The following SELENOF variants were observed in gnomAD, a reference collection of about 807,000 sequenced individuals.
SELENOF encodes selenoprotein F, also known as 15 kDa selenoprotein.
In SELENOF, 16 loss-of-function variants were observed where a neutral mutation model predicts 20.5. The ratio of observed to expected loss-of-function variants is 0.78; its 90% CI spans 0.53 to 1.19. The LOEUF is 1.19. Ranked by LOEUF, SELENOF falls within the 50% of genes most tolerant of loss-of-function variation. The pLI is 0.00. For missense variants in SELENOF, 215 were observed against 194.2 expected, an observed-to-expected ratio of 1.11 and a Z score of -0.64; for synonymous variants, 78 against 74.5, an observed-to-expected ratio of 1.05 and a Z score of -0.24.
At chr1:86,880,570 A>G in intron 3 of SELENOF, 92 bp downstream of exon 3, 1 of 650,312 alleles carries the variant, frequency 1.5e-6, no homozygotes, top group Admixed American at 3.5e-5. Context: ...AATCCTAAAA[A>G]TTCTTATTCC....
chr1:86,906,086 T>C (rs1461909481), intron 1 of SELENOF, among the ~76,000 whole-genome samples: 1 of 152,224 alleles, frequency 6.6e-6, no homozygotes, highest in African/African-American at 2.4e-5. Flanking sequence ...TGACGTGATA[T>C]TTTATACATC....
intron 2 of SELENOF, among the ~76,000 whole-genome samples, chr1:86,891,930 T>C (rs1468504621): frequency 1.5e-5 from 2 of 135,114 alleles, no homozygotes; most frequent in Non-Finnish European, 3.1e-5. Flanking sequence ...TGTTATTATT[T>C]AGTTTTTTTT....
intron 2 of SELENOF, among the ~76,000 whole-genome samples, chr1:86,901,760 A>C (rs913585055): frequency 6.6e-6 from 1 of 152,242 alleles, no homozygotes; most frequent in Non-Finnish European, 1.5e-5. Context: ...TACTAAAATT[A>C]TACCAAAAAA....
intron 2 of SELENOF, among the ~76,000 whole-genome samples, chr1:86,894,460 C>T (rs972457597): frequency 2.5e-4 from 38 of 151,784 alleles, no homozygotes; most frequent in Non-Finnish European, 4.9e-4. Flanking sequence ...TAGTAAAAAC[C>T]AATAAATAAT....
At chr1:86,896,380 T>C (rs1570398229) in intron 2 of SELENOF, among the ~76,000 whole-genome samples, 1 of 152,082 alleles carries the variant, frequency 6.6e-6, no homozygotes, top group South Asian at 2.1e-4. Flanking sequence ...CCAGCAGCCA[T>C]AAGCAAGTTC....
chr1:86,907,971 T>A (rs1659874172), intron 1 of SELENOF, among the ~76,000 whole-genome samples: 1 of 148,824 alleles, frequency 6.7e-6, no homozygotes, highest in South Asian at 2.1e-4. Context: ...GGGCGGTAAG[T>A]GTGAATCGCC....
At chr1:86,895,132 A>C (rs1434268136) in intron 2 of SELENOF, among the ~76,000 whole-genome samples, 1 of 152,210 alleles carries the variant, frequency 6.6e-6, no homozygotes, top group Non-Finnish European at 1.5e-5. Flanking sequence ...TAAATAGTAA[A>C]AATTTTCATA....
intron 3 of SELENOF, among the ~76,000 whole-genome samples, chr1:86,880,141 T>C (rs1323347435): frequency 1.4e-5 from 2 of 147,892 alleles, no homozygotes; most frequent in Admixed American, 6.8e-5. Flanking sequence ...CTGAATTTCT[T>C]TTTTTTTTTT....
intron 3 of SELENOF, among the ~76,000 whole-genome samples, chr1:86,869,264 A>G (rs543799153): frequency 6.6e-6 from 1 of 152,228 alleles, no homozygotes; most frequent in Non-Finnish European, 1.5e-5. Context: ...GAAATAACTT[A>G]TAAAAAGTCT....
chr1:86,914,050 A>C lies in SELENOF; in HGVS notation c.62T>G (p.Leu21Trp), dbSNP rs1380324862. Residue 21 changes from leucine to tryptophan, a missense_variant, in exon 1 of 5, where the codon TTG becomes TGG. Transcript: ENST00000331835. Reference sequence around the variant, plus strand: ...CACCGCTTGAAGCACAGTCGCCAACAACAACCGTAGCCCAAACGCCGGCAC... The same window carrying C: ...CACCGCTTGAAGCACAGTCGCCAACCACAACCGTAGCCCAAACGCCGGCAC... ...CLVPAFGLRL[L>W]LATVLQAVSA... is the part of the protein sequence containing the mutation. The C allele has an allele frequency of 6.2e-7, 1 of 1,613,934 alleles. No homozygotes were observed. Among genetic ancestry groups the C allele is most frequent in the East Asian group, 2.2e-5 (1 of 44,874 alleles).
At chr1:86,914,348 C>T (rs1009768622), upstream of SELENOF, 44 of 564,312 alleles carry the variant, frequency 7.8e-5, no homozygotes, top group African/African-American at 7.1e-4. Flanking sequence ...CTGCGGTCTC[C>T]TTTCTTTTAT....
intron 2 of SELENOF, among the ~76,000 whole-genome samples, chr1:86,883,418 G>A (rs540562154): frequency 6.6e-6 from 1 of 151,978 alleles, no homozygotes; most frequent in African/African-American, 2.4e-5. Context: ...ACTTAAAAAT[G>A]GTTAAAATAG....
chr1:86,875,240 C>CA (rs1658893258), intron 3 of SELENOF, among the ~76,000 whole-genome samples: 11 of 123,414 alleles, frequency 8.9e-5, no homozygotes, highest in Admixed American at 6.8e-4. Context: ...GACTCCGTCT[C>CA]GAAAAAAAAA....
intron 4 of SELENOF, among the ~76,000 whole-genome samples, 171 bp from the exon 5 acceptor site, chr1:86,863,776 A>G (rs1262058837): frequency 6.6e-6 from 1 of 151,918 alleles, no homozygotes; most frequent in Non-Finnish European, 1.5e-5. Flanking sequence ...GTTTTACAGG[A>G]TTTCGGAAAA....
chr1:86,888,571 G>T (rs988801584), intron 2 of SELENOF, among the ~76,000 whole-genome samples: 13 of 152,194 alleles, frequency 8.5e-5, no homozygotes, highest in Middle Eastern at 6.8e-3. Flanking sequence ...ACCGTGCCCT[G>T]GCAGAAGAAA....
At chr1:86,864,926 G>A (rs1031960473) in intron 4 of SELENOF, among the ~76,000 whole-genome samples, 10 of 151,788 alleles carry the variant, frequency 6.6e-5, no homozygotes, top group African/African-American at 2.4e-4. Context: ...GGGAGCCACC[G>A]CACCCAGCCG....
intron 2 of SELENOF, among the ~76,000 whole-genome samples, chr1:86,899,525 G>A (rs1314717515): frequency 1.4e-5 from 2 of 147,070 alleles, no homozygotes; most frequent in Non-Finnish European, 3.0e-5. Flanking sequence ...CGGACGGGGC[G>A]GCTGGCCGGG....
Position 86,896,841 on chromosome 1 carries a change from T to C in SELENOF, c.252+6440A>G, listed in dbSNP as rs552260900. Among the ~76,000 whole-genome samples the C allele has an allele frequency of 3.8e-3, 575 of 152,330 alleles. 3 individuals carry two copies. Among genetic ancestry groups the C allele is most frequent in the Middle Eastern group, 0.017 (5 of 294 alleles). On this transcript the variant is annotated intron_variant, in intron 2 of 4. Coordinates refer to ENST00000331835, the MANE Select transcript of SELENOF (RefSeq NM_004261.5). ...TATATTTCAGGATATAAGTGAAATA[T>C]ATGAAAAAGATATTTATCAAGTAGC...
intron 3 of SELENOF, among the ~76,000 whole-genome samples, chr1:86,872,967 G>C (rs1201926348): frequency 6.6e-6 from 1 of 152,068 alleles, no homozygotes; most frequent in African/African-American, 2.4e-5. Flanking sequence ...GTGAACCTGG[G>C]AGGCGGAGCT....
Sources: allele counts gnomAD v4.1 joint callset (sites outside exome capture counted in the v4.1 genomes callset), GRCh38; gene constraint gnomAD v4.1.1; transcripts MANE v1.5; gene names NCBI Gene and HGNC (gene_info 2026-07-23, HGNC 2026-07-21).